Variants in GALNT10 observed in about 807,000 individuals in gnomAD.
The protein encoded by GALNT10 is GalNAc transferase 10.
GALNT10 carries 41 observed loss-of-function variants against 75.0 expected under a neutral mutation model. The observed-to-expected ratio is 0.55, with a 90% confidence interval of 0.43 to 0.71. GALNT10 has a LOEUF of 0.71. Ranked by LOEUF, GALNT10 falls within the 30% of genes least tolerant of loss-of-function variation. The pLI, the probability that GALNT10 is intolerant of heterozygous loss-of-function variation, is 0.00. For synonymous variants in GALNT10, 302 were observed against 313.0 expected, an observed-to-expected ratio of 0.96 and a Z score of 0.37; for missense variants, 727 against 818.5, an observed-to-expected ratio of 0.89 and a Z score of 1.36.
intron 3 of GALNT10, among the ~76,000 whole-genome samples, chr5:154,327,815 T>C (rs1198874442): frequency 6.6e-6 from 1 of 152,164 alleles, no homozygotes; most frequent in Non-Finnish European, 1.5e-5. Flanking sequence ...AATAAAATAT[T>C]TAGGCATCGA....
At chr5:154,359,865 C>A (rs1197732578) in intron 4 of GALNT10, among the ~76,000 whole-genome samples, 56 of 151,752 alleles carry the variant, frequency 3.7e-4, no homozygotes, top group Admixed American at 3.6e-3. Flanking sequence ...TCTCACCATT[C>A]TAAATAGGAA....
At chr5:154,270,113 G>C (rs534536758) in intron 1 of GALNT10, among the ~76,000 whole-genome samples, 2 of 152,052 alleles carry the variant, frequency 1.3e-5, no homozygotes, top group African/African-American at 4.8e-5. Context: ...ACTCATTCAT[G>C]TGTGACTATA....
Position 154,412,897 on chromosome 5 carries a change from T to C in GALNT10, c.1395T>C (p.Asn465=). ...PPAAAWGEIR[N]VGTGLCADTK... is the part of the protein sequence containing the mutation. ...CCCTCTTTCCCTTTCAGATCCGAAA[T>C]GTGGGCACAGGGCTGTGTGCAGACA... The change falls in exon 10 of 12, where the codon AAT becomes AAC. Residue 465 remains asparagine (N), a synonymous_variant. Transcript: ENST00000297107. This position sits in a 1 kb window ranked among gnomAD's most constrained non-coding sequence, Gnocchi z 4.2. The C allele has an allele frequency of 1.2e-6, 2 of 1,611,830 alleles. No individual in the cohort carries two copies. Among genetic ancestry groups the C allele is most frequent in the East Asian group, 2.2e-5 (1 of 44,870 alleles).
At chr5:154,311,784 T>C (rs1030511755) in intron 3 of GALNT10, among the ~76,000 whole-genome samples, 2 of 152,138 alleles carry the variant, frequency 1.3e-5, no homozygotes, top group Non-Finnish European at 2.9e-5. Flanking sequence ...CTAATTTTTG[T>C]ATTTTTAGTA....
intron 4 of GALNT10, among the ~76,000 whole-genome samples, chr5:154,343,954 C>T (rs1755078098): frequency 1.3e-5 from 2 of 152,280 alleles, no homozygotes; most frequent in East Asian, 3.9e-4. Context: ...CTGCCAGTGT[C>T]CTTTGAGGCC....
chr5:154,203,175 G>A (rs1775053496), intron 1 of GALNT10, among the ~76,000 whole-genome samples: 2 of 152,272 alleles, frequency 1.3e-5, no homozygotes, highest in South Asian at 4.1e-4. Flanking sequence ...CACTTTGGGT[G>A]TATGACTCTT....
intron 6 of GALNT10, among the ~76,000 whole-genome samples, chr5:154,383,235 C>T (rs867110995): frequency 1.2e-4 from 19 of 152,132 alleles, no homozygotes; most frequent in South Asian, 8.3e-4. Context: ...ATTTTCTGTA[C>T]AGCTTCCCAC....
chr5:154,225,035 G>A (rs1330113747), intron 1 of GALNT10, among the ~76,000 whole-genome samples: 1 of 151,914 alleles, frequency 6.6e-6, no homozygotes, highest in Non-Finnish European at 1.5e-5. Flanking sequence ...ACCCACCTCA[G>A]CCTCCCAAAG....
chr5:154,309,184 C>T (rs577607770), intron 3 of GALNT10, among the ~76,000 whole-genome samples: 16 of 152,132 alleles, frequency 1.1e-4, no homozygotes, highest in African/African-American at 3.6e-4. Flanking sequence ...GGAAAGTTGA[C>T]CAGGGGAAGA....
chr5:154,365,955 GC>G (rs1755468469), intron 4 of GALNT10, among the ~76,000 whole-genome samples: 3 of 152,106 alleles, frequency 2.0e-5, no homozygotes, highest in South Asian at 4.1e-4. Context: ...CCATCTCTTT[GC>G]TGTCTCCTCC....
chr5:154,317,691 G>C (rs182365768), intron 3 of GALNT10, among the ~76,000 whole-genome samples: 2 of 152,146 alleles, frequency 1.3e-5, no homozygotes, highest in Admixed American at 1.3e-4. Context: ...ATATACCTGG[G>C]GATTATCAAG....
intron 4 of GALNT10, among the ~76,000 whole-genome samples, chr5:154,375,936 G>A (rs1315954735): frequency 6.6e-6 from 1 of 152,194 alleles, no homozygotes; most frequent in African/African-American, 2.4e-5. Flanking sequence ...AGAAGGGAAG[G>A]GGCAGTGTCC....
Position 154,376,257 on chromosome 5 carries a change from T to G in GALNT10, c.569-20T>G. On this transcript the variant is annotated intron_variant, in intron 4 of 11. Coordinates refer to ENST00000297107, the MANE Select transcript of GALNT10 (RefSeq NM_198321.4). The surrounding 1 kb of genome is among the most constrained non-coding windows in gnomAD (Gnocchi z 4.1). ...TACTAAGCAACTGTTCTCACTCTTC[T>G]GTCCTCTTCTGTCTCATAGAGCACC... The G allele has an allele frequency of 6.5e-7, 1 of 1,537,646 alleles. No homozygotes were observed. The highest frequency in any genetic ancestry group is 9.0e-7 in the Non-Finnish European group (1 of 1,115,354).
chr5:154,394,020 C>T (rs1755963921), intron 7 of GALNT10, among the ~76,000 whole-genome samples: 2 of 152,180 alleles, frequency 1.3e-5, no homozygotes, highest in Non-Finnish European at 2.9e-5. Flanking sequence ...AGCAACTCTG[C>T]AGGGTCTGCT....
intron 1 of GALNT10, among the ~76,000 whole-genome samples, chr5:154,280,738 T>C (rs1754027702): frequency 6.6e-6 from 1 of 152,240 alleles, no homozygotes; most frequent in African/African-American, 2.4e-5. Flanking sequence ...ACATACTTTC[T>C]TCTACAAATT....
At chr5:154,310,814 T>C (rs9324774) in intron 3 of GALNT10, among the ~76,000 whole-genome samples, 114,622 of 152,114 alleles carry the variant, frequency 0.75, 43,334 homozygotes, top group Admixed American at 0.84. Flanking sequence ...CTCTTCTCCT[T>C]TGAAATTAAA....
In GALNT10 at chr5:154,376,414, T is replaced by C. The variant is rs1169432266; in HGVS notation, c.706T>C (p.Leu236=). The C allele has an allele frequency of 1.2e-6, 2 of 1,603,518 alleles. No homozygotes were observed. The highest frequency in any genetic ancestry group is 2.2e-5 in the South Asian group (2 of 89,212). The change falls in exon 5 of 12, where the codon TTG becomes CTG. Residue 236 remains leucine (L), a synonymous_variant. Transcript: ENST00000297107. This position sits in a 1 kb window ranked among gnomAD's most constrained non-coding sequence, Gnocchi z 4.1. ...SVATGDVITF[L]DSHCEANVNW... ...GGCAACTGGGGATGTCATCACATTC[T>C]TGGATTCACACTGTGAAGCCAATGT...
intron 7 of GALNT10, chr5:154,386,673 T>A (rs1187102998): frequency 5.1e-6 from 3 of 587,994 alleles, no homozygotes; most frequent in Non-Finnish European, 9.0e-6. Context: ...CAGCTCTGAC[T>A]GGCATTTGCC....
intron 7 of GALNT10, among the ~76,000 whole-genome samples, chr5:154,394,376 A>C (rs527591634): frequency 1.3e-5 from 2 of 151,892 alleles, no homozygotes; most frequent in East Asian, 3.9e-4. Context: ...AGTGTTATCA[A>C]GAAGACTAAG....
Sources: allele counts gnomAD v4.1 joint callset (sites outside exome capture counted in the v4.1 genomes callset), GRCh38; gene constraint gnomAD v4.1.1; non-coding constraint Gnocchi (gnomAD v3.1); transcripts MANE v1.5; gene names NCBI Gene and HGNC (gene_info 2026-07-23, HGNC 2026-07-21).